The following VEGFC variants were observed in gnomAD, a reference collection of about 807,000 sequenced individuals.
The protein encoded by VEGFC is FLT4 ligand DHM.
A neutral mutation model predicts 46.1 loss-of-function variants in VEGFC; 12 were observed. The ratio of observed to expected loss-of-function variants is 0.26; its 90% CI spans 0.17 to 0.42. The LOEUF (loss-of-function observed/expected upper bound fraction) is 0.42, where lower values mean the gene tolerates loss of function less well. VEGFC is among the 10% of genes least tolerant of loss of function. The probability of loss-of-function intolerance (pLI) is 1.00; values close to 1 mark genes in which losing one functional copy is unlikely to be tolerated. For missense variants in VEGFC, 488 were observed against 529.4 expected, an observed-to-expected ratio of 0.92 and a Z score of 0.77; for synonymous variants, 232 against 195.5, an observed-to-expected ratio of 1.19 and a Z score of -1.56.
chr4:176,709,727 T>C (rs949779044), intron 4 of VEGFC, among the ~76,000 whole-genome samples: 2 of 152,200 alleles, frequency 1.3e-5, no homozygotes, highest in African/African-American at 2.4e-5. Context: ...GAGAAATTTG[T>C]GCTCAGTTCT....
At position 176,780,386 on chromosome 4, in the gene VEGFC, A is replaced by AAAAAAAAAAAAAAC. The variant is rs1553997815; in HGVS notation, c.147+11765_147+11778dup. 1.1e-3 allele frequency among the ~76,000 whole-genome samples: 153 copies of AAAAAAAAAAAAAAC among 144,370 alleles called. 1 individual carries two copies. The highest frequency in any genetic ancestry group is 3.7e-3 in the African/African-American group (145 of 39,488). 94.7% of individuals were successfully genotyped at this position (144,370 alleles called of 152,430 possible). On this transcript the variant is annotated intron_variant, in intron 1 of 6. Transcript: ENST00000618562. ...GACAGAGCGAGACTCCATCTCAAAAAAAAAAAAAAAAAACTCCTTCTAACC... is the reference window on the plus strand; with the variant it reads ...GACAGAGCGAGACTCCATCTCAAAAAAAAAAAAAAAAAACAAAAAAAAAAAAACTCCTTCTAACC...
intron 2 of VEGFC, 21 bp downstream of exon 2, chr4:176,729,512 C>A (rs1388578942): frequency 2.5e-6 from 4 of 1,602,062 alleles, no homozygotes; most frequent in Middle Eastern, 1.7e-4. Flanking sequence ...GCTTACTATA[C>A]ATTTTATTTC....
chr4:176,740,347 TTATATATAGTTATATATATTC>T (rs1158461441), intron 1 of VEGFC, among the ~76,000 whole-genome samples: 73 of 119,594 alleles, frequency 6.1e-4, no homozygotes, highest in African/African-American at 2.2e-3. Flanking sequence ...AACTATATAT[TTATATATAGTTATATATATTC>T]TATATATAGT....
chr4:176,718,716 C>A (rs1357905278), intron 3 of VEGFC, among the ~76,000 whole-genome samples: 2 of 152,096 alleles, frequency 1.3e-5, no homozygotes, highest in Non-Finnish European at 2.9e-5. Context: ...TTTAACCCCA[C>A]CATTTTCAGG....
chr4:176,748,256 C>A (rs556821581), intron 1 of VEGFC, among the ~76,000 whole-genome samples: 12 of 152,098 alleles, frequency 7.9e-5, no homozygotes, highest in African/African-American at 2.9e-4. Context: ...TAATAAACAA[C>A]AAAGCAAACT....
chr4:176,711,763 T>C, intron 3 of VEGFC, 113 bp from the exon 4 acceptor site: 5 of 1,020,264 alleles, frequency 4.9e-6, no homozygotes, highest in Non-Finnish European at 7.2e-6. Context: ...AGTAGCTGCC[T>C]AGTGTACGCA....
In VEGFC at chr4:176,692,882, A is replaced by T. The variant is rs144486088; in HGVS notation, c.705-4955T>A. Among the ~76,000 whole-genome samples the T allele has an allele frequency of 3.3e-3, 472 of 142,394 alleles. 3 individuals carry two copies. Among genetic ancestry groups the T allele is most frequent in the African/African-American group, 0.012 (443 of 36,514 alleles). The allele number at this position is 142,394 out of a possible 152,430, so 93.4% of individuals were successfully genotyped here. On this transcript the variant is annotated intron_variant, in intron 4 of 6. Coordinates refer to ENST00000618562, the MANE Select transcript of VEGFC (RefSeq NM_005429.5). ...GCAGGGGCACACTGACACCTCACAC[A>T]GCAGGGTATTCCAACAGACCTGCAG... is the stretch of plus-strand genomic sequence containing the variant.
chr4:176,715,082 G>C (rs550960961), intron 3 of VEGFC, among the ~76,000 whole-genome samples: 1 of 152,154 alleles, frequency 6.6e-6, no homozygotes, highest in South Asian at 2.1e-4. Flanking sequence ...TTTACAGTTG[G>C]AGAGAAAAAA....
At chr4:176,781,939 T>A (rs1219093447) in intron 1 of VEGFC, among the ~76,000 whole-genome samples, 1 of 152,228 alleles carries the variant, frequency 6.6e-6, no homozygotes, top group Non-Finnish European at 1.5e-5. Context: ...AGGGAGAAAG[T>A]GCTGCCTGTC....
chr4:176,777,696 CGGATCACAAGGTCAGGAGATCGA>C lies in VEGFC; in HGVS notation c.147+14446_147+14468del, dbSNP rs565818462. ...CAGCACTTTGGGAGGCCGAGGCAGG[CGGATCACAAGGTCAGGAGATCGA>C]GACCATCCTGGTTAACATTGAAACC... On this transcript the variant is annotated intron_variant, in intron 1 of 6. Transcript: ENST00000618562. Among the ~76,000 whole-genome samples, 1,416 of 151,886 alleles carry C rather than the reference CGGATCACAAGGTCAGGAGATCGA, an allele frequency of 9.3e-3. 24 individuals carry two copies. The highest frequency in any genetic ancestry group is 0.032 in the African/African-American group (1,345 of 41,438).
At chr4:176,684,919 G>A (rs1234197626) in intron 6 of VEGFC, among the ~76,000 whole-genome samples, 1 of 152,136 alleles carries the variant, frequency 6.6e-6, no homozygotes, top group Non-Finnish European at 1.5e-5. Context: ...TAGAGCCAGG[G>A]TTTTGCCATG....
At chr4:176,735,293 T>C (rs964646184) in intron 1 of VEGFC, among the ~76,000 whole-genome samples, 1 of 151,976 alleles carries the variant, frequency 6.6e-6, no homozygotes. Context: ...ATCCAGCACT[T>C]ATAGCCTGTA....
rs145504348 is a variant in VEGFC at position 176,768,491 on chromosome 4, C to CATATAT, written c.147+23668_147+23673dup. Among the ~76,000 whole-genome samples the CATATAT allele has an allele frequency of 7.4e-3, 749 of 100,552 alleles. 15 individuals carry two copies. Among genetic ancestry groups the CATATAT allele is most frequent in the Middle Eastern group, 0.041 (6 of 148 alleles). 66.0% of individuals were successfully genotyped at this position (100,552 alleles called of 152,430 possible). A position where few individuals can be genotyped will look rare whatever the true frequency, so the allele number is the denominator to read the frequency against. On this transcript the variant is annotated intron_variant, in intron 1 of 6. Transcript: ENST00000618562. ...CTGCCAAGTAAGAGGATGTTTTATA[C>CATATAT]ATATATATATATATATATATATTTC... is the stretch of plus-strand genomic sequence containing the variant.
chr4:176,690,202 T>C (rs1358783154), intron 4 of VEGFC, among the ~76,000 whole-genome samples: 1 of 152,214 alleles, frequency 6.6e-6, no homozygotes, highest in African/African-American at 2.4e-5. Context: ...TTATTTGCTT[T>C]ATCCTGCATA....
At chr4:176,786,523 C>T (rs1736004867) in intron 1 of VEGFC, among the ~76,000 whole-genome samples, 1 of 152,206 alleles carries the variant, frequency 6.6e-6, no homozygotes, top group Non-Finnish European at 1.5e-5. Context: ...AGAAGGCTAG[C>T]CAACAACTGG....
chr4:176,688,705 GCTC>G (rs1427198616), intron 4 of VEGFC, among the ~76,000 whole-genome samples: 1 of 147,962 alleles, frequency 6.8e-6, no homozygotes, highest in African/African-American at 2.5e-5. Context: ...TACCCTAATT[GCTC>G]CTTTGATGGT....
intron 1 of VEGFC, among the ~76,000 whole-genome samples, chr4:176,767,848 C>G (rs1266605217): frequency 6.6e-6 from 1 of 152,094 alleles, no homozygotes; most frequent in Non-Finnish European, 1.5e-5. Flanking sequence ...AAGATAAGAA[C>G]CAGTGAGACT....
chr4:176,753,770 T>C (rs922773431), intron 1 of VEGFC, among the ~76,000 whole-genome samples: 5 of 152,222 alleles, frequency 3.3e-5, no homozygotes, highest in Admixed American at 2.6e-4. Context: ...TTAACTGTTA[T>C]GACTTACTCA....
chr4:176,791,211 G>A (rs537496043), intron 1 of VEGFC, among the ~76,000 whole-genome samples: 1 of 152,164 alleles, frequency 6.6e-6, no homozygotes, highest in East Asian at 1.9e-4. Flanking sequence ...ATAAACTACC[G>A]CAGTATAGTT....
Sources: allele counts gnomAD v4.1 joint callset (sites outside exome capture counted in the v4.1 genomes callset), GRCh38; gene constraint gnomAD v4.1.1; transcripts MANE v1.5; gene names NCBI Gene and HGNC (gene_info 2026-07-23, HGNC 2026-07-21).